The following RLN2 variants were observed in gnomAD, a reference collection of about 807,000 sequenced individuals.
RLN2 encodes the protein prorelaxin H2.
RLN2 carries 10 observed loss-of-function variants against 7.3 expected under a neutral mutation model. The observed-to-expected ratio is 1.36, with a 90% CI of 0.84 to 2.31. The LOEUF is 2.31. RLN2 is among the 30% of genes most tolerant of loss of function. The pLI, the probability that RLN2 is intolerant of heterozygous loss-of-function variation, is 0.00. For missense variants in RLN2, 298 were observed against 217.6 expected (o/e 1.37, Z -2.32); for synonymous variants, 103 against 82.3 (o/e 1.25, Z -1.36).
the RLN2 span, among the ~76,000 whole-genome samples, chr9:5,315,645 A>G: frequency 6.6e-6 from 1 of 152,054 alleles, no homozygotes; most frequent in Non-Finnish European, 1.5e-5. Context: ...TCCAAGTTGC[A>G]TTACAACTAA....
At chr9:5,335,284 A>T in the RLN2 span, 1 of 1,598,578 alleles carries the variant, frequency 6.3e-7, no homozygotes, top group Non-Finnish European at 8.5e-7. Flanking sequence ...TTTTGGTACA[A>T]CCAATTAGGC....
At chr9:5,337,713 G>C in the RLN2 span, among the ~76,000 whole-genome samples, 2 of 151,874 alleles carry the variant, frequency 1.3e-5, no homozygotes, top group Admixed American at 6.6e-5. Context: ...TTAATCCCAC[G>C]TGCAGGCAAT....
chr9:5,314,242 A>G, the RLN2 span, among the ~76,000 whole-genome samples: 1 of 152,012 alleles, frequency 6.6e-6, no homozygotes, highest in African/African-American at 2.4e-5. Context: ...CCATCCCACC[A>G]GCTTTGTTGC....
At chr9:5,323,766 C>T in the RLN2 span, among the ~76,000 whole-genome samples, 67 of 151,982 alleles carry the variant, frequency 4.4e-4, 2 homozygotes, top group African/African-American at 1.5e-3. Context: ...AATACACAGG[C>T]CAGGCACGGT....
In RLN2 at chr9:5,300,278, A is replaced by G. The variant is rs1342514197; in HGVS notation, c.378T>C (p.Phe126=). The G allele has an allele frequency of 1.2e-6, 2 of 1,614,024 alleles. No homozygotes were observed. The highest frequency in any genetic ancestry group is 1.7e-5 in the Admixed American group (1 of 60,014). Residue 126 remains phenylalanine (F), a synonymous_variant, in exon 2 of 2, where the codon TTT becomes TTC. Transcript: ENST00000381627. ...TGCGAATAAGTTTCTTAAATTCTTC[A>G]AAGAGAAGACTGGAATCTTTTAATA... is the stretch of plus-strand genomic sequence containing the variant. The part of the protein sequence containing the change: ...VPVLKDSSLL[F]EEFKKLIRNR...
At chr9:5,315,052 G>C in the RLN2 span, among the ~76,000 whole-genome samples, 1 of 150,794 alleles carries the variant, frequency 6.6e-6, no homozygotes, top group Non-Finnish European at 1.5e-5. Flanking sequence ...ATCAATGCAA[G>C]GACATAAGAA....
rs559113196 is a variant in RLN2 at position 5,301,548 on chromosome 9, A to C, written c.212-1104T>G. Among the ~76,000 whole-genome samples the C allele has an allele frequency of 9.6e-4, 146 of 152,350 alleles. 3 individuals carry two copies. Among genetic ancestry groups the C allele is most frequent in the African/African-American group, 6.3e-4 (26 of 41,572 alleles). ...ACGATGATGTTTAAATTACAGTGAA[A>C]ACCCATATCAGGTCTTGCTGCTCTT... On this transcript the variant is annotated intron_variant, in intron 1 of 1. Transcript: ENST00000381627.
the RLN2 span, among the ~76,000 whole-genome samples, chr9:5,328,917 G>A: frequency 1.3e-5 from 2 of 151,976 alleles, no homozygotes; most frequent in South Asian, 4.1e-4. Context: ...TGCCTTACGA[G>A]ATTTCCTGAA....
chr9:5,312,243 T>C, the RLN2 span, among the ~76,000 whole-genome samples: 4 of 152,052 alleles, frequency 2.6e-5, no homozygotes, highest in African/African-American at 7.2e-5. Context: ...ATTCGTTTTA[T>C]GTCTTCTTCT....
At chr9:5,319,909 A>G in the RLN2 span, among the ~76,000 whole-genome samples, 1 of 151,994 alleles carries the variant, frequency 6.6e-6, no homozygotes, top group Non-Finnish European at 1.5e-5. Flanking sequence ...GCACCTTTAA[A>G]GATGTTCTTA....
upstream of RLN2, among the ~76,000 whole-genome samples, chr9:5,308,358 G>C (rs548587808): frequency 2.6e-5 from 4 of 151,950 alleles, no homozygotes; most frequent in African/African-American, 7.2e-5. Context: ...TGTATGGAAA[G>C]AAAGTTCAGA....
At chr9:5,325,873 G>A in the RLN2 span, among the ~76,000 whole-genome samples, 4 of 151,824 alleles carry the variant, frequency 2.6e-5, no homozygotes, top group Non-Finnish European at 4.4e-5. Flanking sequence ...CCTTCCCAAA[G>A]GCGATGTCAA....
At chr9:5,309,267 C>T (rs1408920855), upstream of RLN2, among the ~76,000 whole-genome samples, 4 of 152,038 alleles carry the variant, frequency 2.6e-5, no homozygotes, top group Admixed American at 6.5e-5. Context: ...CTTCCCACAT[C>T]CCTTCTCACT....
chr9:5,336,304 G>A, the RLN2 span, among the ~76,000 whole-genome samples: 8 of 152,074 alleles, frequency 5.3e-5, no homozygotes, highest in Non-Finnish European at 7.4e-5. Flanking sequence ...GTGCTGTGGT[G>A]TAAGTGTACT....
At chr9:5,321,807 A>G in the RLN2 span, among the ~76,000 whole-genome samples, 1 of 152,022 alleles carries the variant, frequency 6.6e-6, no homozygotes, top group African/African-American at 2.4e-5. Flanking sequence ...CCCTCAGGTC[A>G]CTGAACTTAC....
the RLN2 span, among the ~76,000 whole-genome samples, chr9:5,323,399 T>C: frequency 3.3e-5 from 5 of 152,058 alleles, no homozygotes; most frequent in Non-Finnish European, 5.9e-5. Flanking sequence ...TAATAAAATA[T>C]ATAAAGAAAA....
the RLN2 span, among the ~76,000 whole-genome samples, chr9:5,332,288 C>T: frequency 1.1e-4 from 17 of 151,836 alleles, no homozygotes; most frequent in East Asian, 3.9e-4. Context: ...CATTTTTATA[C>T]GCTTTTGTAC....
the RLN2 span, among the ~76,000 whole-genome samples, chr9:5,332,917 A>G: frequency 2.0e-5 from 3 of 151,958 alleles, no homozygotes; most frequent in African/African-American, 7.3e-5. Context: ...GCGCCCGGCC[A>G]TGATTCTCAT....
chr9:5,325,824 C>A, the RLN2 span, among the ~76,000 whole-genome samples: 1 of 151,996 alleles, frequency 6.6e-6, no homozygotes, highest in Non-Finnish European at 1.5e-5. Flanking sequence ...GTTGCAATAT[C>A]TATATCTGAA....
Sources: gnomAD v4.1 joint callset for allele counts (sites outside exome capture counted in the v4.1 genomes callset) on GRCh38, gnomAD v4.1.1 for gene constraint, MANE v1.5 for transcripts, NCBI Gene and HGNC (gene_info 2026-07-23, HGNC 2026-07-21) for gene names.